The following TLL1 variants were observed in gnomAD, a reference collection of about 807,000 sequenced individuals.
TLL1 encodes tolloid-like protein 1.
TLL1 carries 49 observed loss-of-function variants against 128.2 expected under a neutral mutation model. The ratio of observed to expected loss-of-function variants is 0.38; its 90% CI spans 0.30 to 0.48. The LOEUF (loss-of-function observed/expected upper bound fraction) is 0.48. Among genes scored for constraint, TLL1 ranks in the 20% least tolerant of loss-of-function variants. TLL1 has a pLI of 0.96. For missense variants in TLL1, 1,123 were observed against 1,242.0 expected (o/e 0.90, Z 1.44); for synonymous variants, 454 against 418.8 (o/e 1.08, Z -1.03).
chr4:165,887,581 C>T (rs913294337), intron 1 of TLL1, among the ~76,000 whole-genome samples: 1 of 152,162 alleles, frequency 6.6e-6, no homozygotes, highest in African/African-American at 2.4e-5. Flanking sequence ...AACCCTTTGA[C>T]TTGCATACAA....
chr4:166,076,861 T>G (rs901782671), intron 17 of TLL1, among the ~76,000 whole-genome samples: 1 of 152,198 alleles, frequency 6.6e-6, no homozygotes, highest in Non-Finnish European at 1.5e-5. Context: ...TGTGGAAACC[T>G]AGCACAATTA....
chr4:166,048,065 C>T (rs549712249), intron 12 of TLL1, among the ~76,000 whole-genome samples: 45 of 151,930 alleles, frequency 3.0e-4, no homozygotes, highest in African/African-American at 9.9e-4. Context: ...GGTGAAACCC[C>T]GTCTCTACTA....
chr4:165,965,165 C>A (rs985517520), intron 1 of TLL1, among the ~76,000 whole-genome samples: 1 of 151,874 alleles, frequency 6.6e-6, no homozygotes, highest in African/African-American at 2.4e-5. Flanking sequence ...TAATTAAATT[C>A]TAAATATAGG....
rs200668906 is a variant in TLL1 at position 165,873,940 on chromosome 4, G to A, written c.36G>A (p.Val12=). 6.2e-7 allele frequency: 1 copy of A among 1,614,148 alleles called. No homozygotes were observed. The highest frequency in any genetic ancestry group is 1.3e-5 in the African/African-American group (1 of 75,060). Reference sequence around the variant, plus strand: ...GAACGCTTTCCCCGAGGATGCTCGTGTGGCTGGTGGCCTCGGGGATTGTTT... The same window carrying A: ...GAACGCTTTCCCCGAGGATGCTCGTATGGCTGGTGGCCTCGGGGATTGTTT... ...GLGTLSPRML[V]WLVASGIVFY... is the part of the protein sequence containing the mutation. Residue 12 remains valine, a synonymous_variant, in exon 1 of 21, where the codon GTG becomes GTA. Transcript: ENST00000061240.
chr4:165,874,210 CT>C, intron 1 of TLL1, 137 bp downstream of exon 1: 1 of 1,088,670 alleles, frequency 9.2e-7, no homozygotes, highest in Non-Finnish European at 1.4e-6. Flanking sequence ...TCTCCCCCTC[CT>C]TTTCCTTCCC....
In TLL1 at chr4:166,101,082, G is replaced by A. The variant is rs1175858515; in HGVS notation, c.*206G>A. 1.7e-6 allele frequency: 1 copy of A among 578,678 alleles called. No individual in the cohort carries two copies. Among genetic ancestry groups the A allele is most frequent in the Non-Finnish European group, 3.0e-6 (1 of 336,342 alleles). 35.8% of individuals were successfully genotyped at this position (578,678 alleles called of 1,614,324 possible). Reference sequence around the variant, plus strand: ...ACAAGGATATTTGAACTCCATGCTTGATGGTATTAATAAAGCTGGTGAAAG... The same window carrying A: ...ACAAGGATATTTGAACTCCATGCTTAATGGTATTAATAAAGCTGGTGAAAG... On this transcript the variant is annotated 3_prime_UTR_variant, in exon 21 of 21. Transcript: ENST00000061240.
At chr4:165,985,324 G>A (rs537016041) in intron 1 of TLL1, among the ~76,000 whole-genome samples, 1 of 152,028 alleles carries the variant, frequency 6.6e-6, no homozygotes, top group African/African-American at 2.4e-5. Flanking sequence ...GTGTGCTCTC[G>A]ACTGGTAACC....
chr4:165,907,550 C>CT (rs111799840), intron 1 of TLL1, among the ~76,000 whole-genome samples: 13,131 of 139,438 alleles, frequency 0.094, 795 homozygotes, highest in East Asian at 0.24. Context: ...TAATGCAAGC[C>CT]TTTTTTTTTT....
At chr4:165,887,951 G>A (rs79641856) in intron 1 of TLL1, among the ~76,000 whole-genome samples, 1 of 152,046 alleles carries the variant, frequency 6.6e-6, no homozygotes, top group Non-Finnish European at 1.5e-5. Flanking sequence ...AAGACCAGTT[G>A]TTGCTATTAT....
At chr4:165,910,086 T>C (rs76287114) in intron 1 of TLL1, among the ~76,000 whole-genome samples, 2,890 of 152,202 alleles carry the variant, frequency 0.019, 92 homozygotes, top group African/African-American at 0.066. Flanking sequence ...AATCACGCTG[T>C]GGTGAAAAGC....
chr4:165,929,659 TA>T (rs1472572917), intron 1 of TLL1, among the ~76,000 whole-genome samples: 2 of 152,202 alleles, frequency 1.3e-5, no homozygotes, highest in Non-Finnish European at 2.9e-5. Context: ...TATCCAGATA[TA>T]AAAAGAAGTT....
chr4:166,062,273 A>T (rs1156812317), intron 15 of TLL1, among the ~76,000 whole-genome samples: 2 of 152,134 alleles, frequency 1.3e-5, no homozygotes, highest in East Asian at 3.9e-4. Context: ...TGGTAGCTTG[A>T]TGGGGATGGC....
intron 1 of TLL1, among the ~76,000 whole-genome samples, chr4:165,886,193 G>A (rs1477367905): frequency 6.6e-6 from 1 of 152,106 alleles, no homozygotes; most frequent in Non-Finnish European, 1.5e-5. Context: ...TGGATATTCT[G>A]TAGGAGACTT....
At chr4:165,898,621 A>G (rs11931497) in intron 1 of TLL1, among the ~76,000 whole-genome samples, 19,102 of 152,120 alleles carry the variant, frequency 0.13, 1,309 homozygotes, top group East Asian at 0.17. Context: ...GTGCTGATGA[A>G]TTTGGTTTGC....
chr4:165,982,736 TAA>T (rs5863791), intron 1 of TLL1, among the ~76,000 whole-genome samples: 8 of 137,750 alleles, frequency 5.8e-5, no homozygotes, highest in Non-Finnish European at 7.8e-5. Flanking sequence ...GCAATGTATG[TAA>T]AAAAAAAAAA....
intron 15 of TLL1, among the ~76,000 whole-genome samples, chr4:166,063,629 G>A (rs1176403882): frequency 6.6e-6 from 1 of 152,026 alleles, no homozygotes; most frequent in Non-Finnish European, 1.5e-5. Context: ...AAGAAACTGT[G>A]GCACATATAC....
At chr4:166,013,043 A>AT (rs924903013) in intron 7 of TLL1, among the ~76,000 whole-genome samples, 4 of 151,786 alleles carry the variant, frequency 2.6e-5, no homozygotes, top group African/African-American at 9.6e-5. Context: ...GGGTCCTCTC[A>AT]TTTCTGAGCT....
intron 1 of TLL1, among the ~76,000 whole-genome samples, chr4:165,982,861 G>A (rs996085443): frequency 1.3e-5 from 2 of 151,628 alleles, no homozygotes; most frequent in Non-Finnish European, 3.0e-5. Flanking sequence ...ACGTATCAGG[G>A]TTGACTCCCA....
At chr4:166,090,290 A>G (rs1478839775) in intron 18 of TLL1, among the ~76,000 whole-genome samples, 1 of 152,102 alleles carries the variant, frequency 6.6e-6, no homozygotes, top group Non-Finnish European at 1.5e-5. Context: ...AATGGCAAAT[A>G]ACCTGTAATT....
Sources: gnomAD v4.1 joint callset for allele counts (sites outside exome capture counted in the v4.1 genomes callset) on GRCh38, gnomAD v4.1.1 for gene constraint, MANE v1.5 for transcripts, NCBI Gene and HGNC (gene_info 2026-07-23, HGNC 2026-07-21) for gene names.